The following ATXN1 variants were observed in gnomAD, a reference collection of about 807,000 sequenced individuals.
The protein encoded by ATXN1 is ataxin-1.
ATXN1 carries 8 observed loss-of-function variants against 56.4 expected under a neutral mutation model. The observed-to-expected ratio is 0.14, with a 90% CI of 0.08 to 0.26. The LOEUF (loss-of-function observed/expected upper bound fraction) is 0.26, where lower values mean the gene tolerates loss of function less well. Ranked by LOEUF, ATXN1 falls within the 10% of genes least tolerant of loss-of-function variation. The pLI is 1.00. For synonymous variants in ATXN1, 514 were observed against 494.6 expected (o/e 1.04, Z -0.52); for missense variants, 987 against 1,106.5 (o/e 0.89, Z 1.53).
chr6:16,637,492 T>C (rs1394985723), intron 3 of ATXN1, among the ~76,000 whole-genome samples: 1 of 151,144 alleles, frequency 6.6e-6, no homozygotes, highest in Admixed American at 6.6e-5. Flanking sequence ...ACTTAAAGTA[T>C]AATAAAAAAT....
At chr6:16,426,524 A>G (rs1759157656) in intron 6 of ATXN1, among the ~76,000 whole-genome samples, 1 of 152,096 alleles carries the variant, frequency 6.6e-6, no homozygotes, top group Non-Finnish European at 1.5e-5. Flanking sequence ...GCCAAGGAGT[A>G]AAAGCGCCAA....
chr6:16,644,941 G>C (rs1468289902), intron 3 of ATXN1, among the ~76,000 whole-genome samples: 1 of 152,168 alleles, frequency 6.6e-6, no homozygotes, highest in Non-Finnish European at 1.5e-5. Flanking sequence ...TTTTTGTAGA[G>C]CAGATAACCA....
At chr6:16,342,477 G>A (rs1362692972) in intron 6 of ATXN1, among the ~76,000 whole-genome samples, 1 of 152,132 alleles carries the variant, frequency 6.6e-6, no homozygotes, top group Non-Finnish European at 1.5e-5. Context: ...TCCTCAAAAT[G>A]TGAAATACAG....
intron 6 of ATXN1, among the ~76,000 whole-genome samples, chr6:16,332,986 G>T (rs369818335): frequency 3.3e-5 from 5 of 152,146 alleles, no homozygotes; most frequent in Non-Finnish European, 7.3e-5. Context: ...GCAGCTATCC[G>T]ATTAAATTTT....
At chr6:16,704,602 C>T (rs571104431) in intron 2 of ATXN1, among the ~76,000 whole-genome samples, 3 of 152,318 alleles carry the variant, frequency 2.0e-5, no homozygotes, top group South Asian at 2.1e-4. Flanking sequence ...ACACTCCGGT[C>T]GGTAATTTCT....
At chr6:16,449,501 T>G (rs79423133) in intron 6 of ATXN1, among the ~76,000 whole-genome samples, 172 of 152,214 alleles carry the variant, frequency 1.1e-3, no homozygotes, top group African/African-American at 4.0e-3. Context: ...TTCTTCTTCT[T>G]CTTGTTTTTT....
At chr6:16,716,196 AG>A (rs1259533841) in intron 2 of ATXN1, among the ~76,000 whole-genome samples, 1 of 150,108 alleles carries the variant, frequency 6.7e-6, no homozygotes, top group Admixed American at 6.7e-5. Flanking sequence ...TCCCAAGGGC[AG>A]GGATTGTGCT....
intron 3 of ATXN1, among the ~76,000 whole-genome samples, chr6:16,638,532 C>T (rs9477193): frequency 0.014 from 2,085 of 151,602 alleles, 53 homozygotes; most frequent in African/African-American, 0.047. Context: ...AGGAGCGAGA[C>T]GCCTTGACGC....
rs149330723 is a variant in ATXN1, at chr6:16,689,047, C to CTGTGTGTG, written c.-614-31154_-614-31147dup. On this transcript the variant is annotated intron_variant, in intron 2 of 7. Transcript: ENST00000436367. ...ATATGCAGATGTGTATATGTGTACT[C>CTGTGTGTG]TGTGTGTGTGTATGTGTGTGTGTGT... Among the ~76,000 whole-genome samples, 1,073 of 151,554 alleles carry CTGTGTGTG rather than the reference C, an allele frequency of 7.1e-3. 13 individuals are homozygous for CTGTGTGTG. Among genetic ancestry groups the CTGTGTGTG allele is most frequent in the African/African-American group, 0.022 (909 of 41,220 alleles).
chr6:16,341,091 T>C (rs1426105097), intron 6 of ATXN1, among the ~76,000 whole-genome samples: 1 of 152,208 alleles, frequency 6.6e-6, no homozygotes, highest in African/African-American at 2.4e-5. Flanking sequence ...AAATCTACCA[T>C]AGAATACTGA....
At chr6:16,580,172 A>G (rs745869876) in intron 4 of ATXN1, among the ~76,000 whole-genome samples, 5 of 152,256 alleles carry the variant, frequency 3.3e-5, no homozygotes, top group African/African-American at 4.8e-5. Context: ...GAGAAGCACT[A>G]ATGATATTCA....
intron 2 of ATXN1, among the ~76,000 whole-genome samples, chr6:16,750,458 A>G (rs1760676598): frequency 6.6e-6 from 1 of 152,276 alleles, no homozygotes. Flanking sequence ...ATAAAAGAGT[A>G]CAACATGAAT....
rs1760067121 is a variant in ATXN1 at position 16,300,818 on chromosome 6, A to AGTT, written c.*5508_*5510dup. On this transcript the variant is annotated 3_prime_UTR_variant, in exon 8 of 8. Transcript: ENST00000436367. The stretch of plus-strand genomic sequence containing the variant: ...CAAACATCATCTCTGAAGAAAAAGA[A>AGTT]GTTGCAATGGCTTAAGAGTTTAGAC... 6.6e-6 allele frequency: 1 copy of AGTT among 152,634 alleles called. No homozygotes were observed. The highest frequency in any genetic ancestry group is 2.4e-5 in the African/African-American group (1 of 41,450). The allele number at this position is 152,634 out of a possible 1,614,324, so 9.5% of individuals were successfully genotyped here.
intron 5 of ATXN1, among the ~76,000 whole-genome samples, chr6:16,509,893 T>C (rs908630599): frequency 6.6e-6 from 1 of 152,160 alleles, no homozygotes; most frequent in Non-Finnish European, 1.5e-5. Flanking sequence ...GGGTGGCCCC[T>C]TGTTCCAGAA....
intron 2 of ATXN1, among the ~76,000 whole-genome samples, chr6:16,745,933 C>CATGTGTGTGT (rs1345781976): frequency 6.8e-6 from 1 of 147,128 alleles, no homozygotes; most frequent in South Asian, 2.2e-4. Flanking sequence ...CTATGCCTTC[C>CATGTGTGTGT]GTGTGTGTGT....
chr6:16,371,530 A>G (rs1308829551), intron 6 of ATXN1, among the ~76,000 whole-genome samples: 1 of 152,068 alleles, frequency 6.6e-6, no homozygotes, highest in Non-Finnish European at 1.5e-5. Flanking sequence ...AAAAGAAACC[A>G]ATATTTGACC....
chr6:16,594,473 C>CTTTTTTTTT (rs1045184703), intron 3 of ATXN1, among the ~76,000 whole-genome samples: 1 of 143,966 alleles, frequency 6.9e-6, no homozygotes, highest in Non-Finnish European at 1.5e-5. Context: ...CCTTTTTTTC[C>CTTTTTTTTT]TTTTTTTTTT....
intron 2 of ATXN1, among the ~76,000 whole-genome samples, chr6:16,726,500 G>A (rs553274109): frequency 2.0e-5 from 3 of 152,066 alleles, no homozygotes; most frequent in South Asian, 2.1e-4. Context: ...ACTTCTCTTC[G>A]TAGATGATAC....
intron 5 of ATXN1, among the ~76,000 whole-genome samples, chr6:16,505,501 C>T (rs965803459): frequency 6.6e-6 from 1 of 152,078 alleles, no homozygotes. Context: ...AGGTTAAGTG[C>T]ACTGGCAGCC....
Sources: gnomAD v4.1 joint callset for allele counts (sites outside exome capture counted in the v4.1 genomes callset) on GRCh38, gnomAD v4.1.1 for gene constraint, MANE v1.5 for transcripts, NCBI Gene and HGNC (gene_info 2026-07-23, HGNC 2026-07-21) for gene names.